RGS3: variants seen among roughly 807,000 people sequenced by gnomAD.
RGS3 encodes the protein regulator of G protein signaling 3, also known as regulator of G-protein signalling 3.
RGS3 carries 80 observed loss-of-function variants against 132.6 expected under a neutral mutation model. The observed-to-expected ratio is 0.60, with a 90% CI of 0.50 to 0.73. The LOEUF is 0.73. RGS3 is among the 30% of genes least tolerant of loss of function. The pLI is 0.00. For synonymous variants in RGS3, 598 were observed against 620.6 expected (o/e 0.96, Z 0.54); for missense variants, 1,382 against 1,530.8 (o/e 0.90, Z 1.62).
chr9:113,507,620 G>T lies in RGS3; in HGVS notation c.1419G>T (p.Pro473=). Reference sequence around the variant, plus strand: ...ACCCCAACTACATCATCCTGGCCCCGCTGAATCCTGGGAGCCAGGTACGGA... The same window carrying T: ...ACCCCAACTACATCATCCTGGCCCCTCTGAATCCTGGGAGCCAGGTACGGA... Residue 473 remains proline (P), a synonymous_variant, in exon 13 of 25, where the codon CCG becomes CCT. Transcript: ENST00000350696. This position sits in a 1 kb window ranked among gnomAD's most constrained non-coding sequence, Gnocchi z 5.0. 1 of 1,472,398 alleles carries T rather than the reference G, an allele frequency of 6.8e-7. No individual in the cohort carries two copies. Among genetic ancestry groups the T allele is most frequent in the Non-Finnish European group, 9.0e-7 (1 of 1,107,472 alleles). 91.2% of individuals were successfully genotyped at this position (1,472,398 alleles called of 1,614,324 possible).
intron 19 of RGS3, among the ~76,000 whole-genome samples, chr9:113,540,322 A>G (rs2118643507): frequency 6.6e-6 from 1 of 152,150 alleles, no homozygotes; most frequent in East Asian, 1.9e-4. Flanking sequence ...TGATTATTCA[A>G]GCAAATATAC....
chr9:113,462,206 G>A, intron 3 of RGS3: 4 of 1,599,636 alleles, frequency 2.5e-6, no homozygotes, highest in Non-Finnish European at 3.4e-6. Flanking sequence ...GTGCAGGTAA[G>A]TCCATCTGTC....
intron 1 of RGS3, among the ~76,000 whole-genome samples, chr9:113,446,620 G>T (rs1377618952): frequency 3.3e-5 from 5 of 152,122 alleles, no homozygotes; most frequent in East Asian, 1.9e-4. Context: ...TGCTCCAGGG[G>T]ACTGGTAGTT....
rs141721659 is a variant in RGS3, at chr9:113,565,215, A to T, written c.2038-18235A>T. ...CTGGGCCCCTCGCGGGGTGGGCAGA[A>T]GGACGGGCTGGCCCAGGACCCTCTT... is the stretch of plus-strand genomic sequence containing the variant. On this transcript the variant is annotated intron_variant, in intron 19 of 24. Coordinates refer to ENST00000350696, the Ensembl canonical transcript of RGS3. The surrounding 1 kb of genome is among the most constrained non-coding windows in gnomAD (Gnocchi z 5.7). The T allele has an allele frequency of 1.8e-4, 225 of 1,263,330 alleles. 1 individual carries two copies. In the African/African-American group the frequency reaches 2.4e-3, roughly 14 times the overall value. 78.3% of individuals were successfully genotyped at this position (1,263,330 alleles called of 1,614,324 possible).
chr9:113,544,662 C>T (rs1345882475), intron 19 of RGS3, among the ~76,000 whole-genome samples: 1 of 152,226 alleles, frequency 6.6e-6, no homozygotes, highest in Non-Finnish European at 1.5e-5. Flanking sequence ...GGTCCCCAGG[C>T]ATGATCTCCC....
At chr9:113,524,639 T>G (rs1011918760) in intron 17 of RGS3, among the ~76,000 whole-genome samples, 5 of 152,232 alleles carry the variant, frequency 3.3e-5, no homozygotes, top group African/African-American at 9.7e-5. Flanking sequence ...TGTGCTGTGC[T>G]GTGTGGCTTC....
chr9:113,582,026 C>T, intron 19 of RGS3: 4 of 985,568 alleles, frequency 4.1e-6, no homozygotes, highest in Non-Finnish European at 3.6e-6. Flanking sequence ...GGCTGTGGCT[C>T]TTACCCGTGC....
chr9:113,565,921 C>G lies in RGS3; in HGVS notation c.2038-17529C>G, dbSNP rs139511297. 1.6e-3 allele frequency among the ~76,000 whole-genome samples: 148 copies of G among 95,220 alleles called. No homozygotes were observed. The highest frequency in any genetic ancestry group is 6.3e-3 in the Middle Eastern group (1 of 158). 62.5% of individuals were successfully genotyped at this position (95,220 alleles called of 152,430 possible). A position where few individuals can be genotyped will look rare whatever the true frequency, so the allele number is the denominator to read the frequency against. On this transcript the variant is annotated intron_variant, in intron 19 of 24. Transcript: ENST00000350696. The surrounding 1 kb of genome is among the most constrained non-coding windows in gnomAD (Gnocchi z 5.7). ...TGTGTGTGTGTGTGTGTGTGTCTGT[C>G]TGTCTGTCTGTCTCAGGGGCTGGGA...
At chr9:113,568,743 C>T (rs926119176) in intron 19 of RGS3, among the ~76,000 whole-genome samples, 3 of 152,238 alleles carry the variant, frequency 2.0e-5, no homozygotes, top group African/African-American at 7.2e-5. Flanking sequence ...CAGGAATAAA[C>T]AAGGCTGCTT....
chr9:113,495,725 A>T lies in RGS3; in HGVS notation c.690-61A>T, dbSNP rs528018771. On this transcript the variant is annotated intron_variant, in intron 7 of 24. Coordinates refer to ENST00000350696, the Ensembl canonical transcript of RGS3. Reference sequence around the variant, plus strand: ...AGGCAAACCCATGCTATACTTGATAATGGACCTCCCGATAGAGCCCAGAAA... The same window carrying T: ...AGGCAAACCCATGCTATACTTGATATTGGACCTCCCGATAGAGCCCAGAAA... 5 of 1,392,722 alleles carry T rather than the reference A, an allele frequency of 3.6e-6. No individual in the cohort carries two copies. The African/African-American group carries it at 5.7e-5, about 16-fold the overall frequency. 86.3% of individuals were successfully genotyped at this position (1,392,722 alleles called of 1,614,324 possible).
rs148385134 is a variant in RGS3 at position 113,584,327 on chromosome 9, C to T, written c.2915C>T (p.Ser972Phe). Reference sequence around the variant, plus strand: ...TGCTCAGACGGTGAGGGCGCCGCCTCCACCTGGGGCATGCCTTCGCCCAGC... The same window carrying T: ...TGCTCAGACGGTGAGGGCGCCGCCTTCACCTGGGGCATGCCTTCGCCCAGC... The change falls in exon 20 of 25, where the codon TCC becomes TTC. Residue 972 changes from serine to phenylalanine, a missense_variant. Coordinates refer to ENST00000350696, the Ensembl canonical transcript of RGS3. 131 of 1,600,226 alleles carry T rather than the reference C, an allele frequency of 8.2e-5. No individual in the cohort carries two copies. The highest frequency in any genetic ancestry group is 1.0e-4 in the Non-Finnish European group (121 of 1,175,932).
chr9:113,519,629 G>GTA lies in RGS3; in HGVS notation c.1758+2005_1758+2006insTA, dbSNP rs373942297. 2.2e-4 allele frequency among the ~76,000 whole-genome samples: 33 copies of GTA among 151,818 alleles called. No homozygotes were observed. The East Asian group carries it at 6.2e-3, about 29-fold the overall frequency. On this transcript the variant is annotated intron_variant, in intron 16 of 24. Coordinates refer to ENST00000350696, the Ensembl canonical transcript of RGS3. ...CTTCCTTGTAACTTTCCAGTTAAAT[G>GTA]GTTTTCTGATTGGTGCTTGAATCTT...
Position 113,591,933 on chromosome 9 carries a change from A to G in RGS3, c.3080+536A>G, listed in dbSNP as rs73538891. On this transcript the variant is annotated intron_variant, in intron 21 of 24. Coordinates refer to ENST00000350696, the Ensembl canonical transcript of RGS3. This position sits in a 1 kb window ranked among gnomAD's most constrained non-coding sequence, Gnocchi z 4.4. ...TATAGGGTGTTTGTTAGAGGTGTCA[A>G]TGAAAAAGATGTGTGTGTGGGTTCT... 1,787 of 156,046 alleles carry G rather than the reference A, an allele frequency of 0.011. 39 individuals are homozygous for G. The highest frequency in any genetic ancestry group is 0.041 in the African/African-American group (1,687 of 41,632). The allele number at this position is 156,046 out of a possible 1,614,324, so 9.7% of individuals were successfully genotyped here.
intron 14 of RGS3, among the ~76,000 whole-genome samples, chr9:113,510,986 C>T (rs1052599734): frequency 6.6e-6 from 1 of 152,214 alleles, no homozygotes; most frequent in African/African-American, 2.4e-5. Flanking sequence ...TAGTCCCCCT[C>T]CTCTGGCTGG....
rs552785272 is a variant in RGS3 at position 113,507,408 on chromosome 9, C to G, written c.1207C>G (p.Pro403Ala). 1.2e-6 allele frequency: 2 copies of G among 1,613,934 alleles called. No homozygotes were observed. The highest frequency in any genetic ancestry group is 1.7e-6 in the Non-Finnish European group (2 of 1,180,022). Residue 403 changes from proline to alanine, a missense_variant, in exon 13 of 25, where the codon CCC (proline) becomes GCC (alanine). Transcript: ENST00000350696. This position sits in a 1 kb window ranked among gnomAD's most constrained non-coding sequence, Gnocchi z 5.0. ...GTCGACACATGACCTCCAGTCACCC[C>G]CCAACAAACGGGAGAAGAACTGCAC...
intron 1 of RGS3, among the ~76,000 whole-genome samples, chr9:113,450,718 A>C (rs1181189593): frequency 6.6e-6 from 1 of 152,174 alleles, no homozygotes; most frequent in Non-Finnish European, 1.5e-5. Context: ...AGCCAGGAAC[A>C]CACAAGAAGG....
intron 5 of RGS3, among the ~76,000 whole-genome samples, chr9:113,483,469 C>G (rs1221942315): frequency 6.6e-6 from 1 of 152,126 alleles, no homozygotes; most frequent in Non-Finnish European, 1.5e-5. Context: ...GGCAGGATGG[C>G]CAGATTTGGG....
chr9:113,589,377 G>T (rs889892949), intron 20 of RGS3, among the ~76,000 whole-genome samples: 1 of 152,124 alleles, frequency 6.6e-6, no homozygotes, highest in African/African-American at 2.4e-5. Context: ...TTTGGTGCTG[G>T]GGTTTCCCCA....
intron 19 of RGS3, among the ~76,000 whole-genome samples, chr9:113,542,921 C>T (rs1832964607): frequency 6.6e-6 from 1 of 152,176 alleles, no homozygotes; most frequent in African/African-American, 2.4e-5. Flanking sequence ...GGCCTAGCAG[C>T]TCTAGTGGAG....
Sources: allele counts gnomAD v4.1 joint callset (sites outside exome capture counted in the v4.1 genomes callset), GRCh38; gene constraint gnomAD v4.1.1; non-coding constraint Gnocchi (gnomAD v3.1); transcripts MANE v1.5; gene names NCBI Gene and HGNC (gene_info 2026-07-23, HGNC 2026-07-21).